GNL3L: variants seen among roughly 807,000 people sequenced by gnomAD.
GNL3L encodes the protein G protein nucleolar 3 like.
In GNL3L, 4 loss-of-function variants were observed where a neutral mutation model predicts 42.9. The observed-to-expected ratio is 0.09, with a 90% CI of 0.05 to 0.21. The LOEUF is 0.21. GNL3L is among the 10% of genes least tolerant of loss of function. The pLI is 1.00. For synonymous variants in GNL3L, 159 were observed against 176.3 expected, an observed-to-expected ratio of 0.90 and a Z score of 0.78; for missense variants, 412 against 481.7, an observed-to-expected ratio of 0.86 and a Z score of 1.36.
rs867774012 is a variant in GNL3L at position 54,607,054 on chromosome X, T to C, written c.*46-13791T>C. Among the ~76,000 whole-genome samples the C allele has an allele frequency of 4.6e-4, 31 of 66,671 alleles. 1 individual carries two copies. The highest frequency in any genetic ancestry group is 2.6e-3 in the African/African-American group (29 of 11,276). The allele number at this position is 66,671 out of a possible 115,157, so 57.9% of individuals were successfully genotyped here. On this transcript the variant is annotated intron_variant, in intron 16 of 16. Coordinates refer to the GNL3L transcript ENST00000674498. Reference sequence around the variant, plus strand: ...TTTCTTTCTTTCTTTCTTTCTTTCTTTCTTTCTTTCTTTCTTTCTCTTTCT... The same window carrying C: ...TTTCTTTCTTTCTTTCTTTCTTTCTCTCTTTCTTTCTTTCTTTCTCTTTCT...
chrX:54,557,023 A>T (rs1418830639), intron 14 of GNL3L, among the ~76,000 whole-genome samples: 1 of 110,089 alleles, frequency 9.1e-6, no homozygotes, highest in Non-Finnish European at 1.9e-5. Context: ...TCTACTAAAA[A>T]TAAAAAAAAT....
chrX:54,620,324 C>T (rs932956799), intron 16 of GNL3L, among the ~76,000 whole-genome samples: 1 of 111,286 alleles, frequency 9.0e-6, no homozygotes, highest in African/African-American at 3.3e-5. Flanking sequence ...CATCCTTATA[C>T]TCTCTATCCC....
intron 1 of GNL3L, among the ~76,000 whole-genome samples, chrX:54,532,293 C>A (rs1488949932): frequency 9.1e-6 from 1 of 109,908 alleles, no homozygotes; most frequent in Non-Finnish European, 1.9e-5. Context: ...ACTGACTCCA[C>A]CCCGGATGAG....
At chrX:54,596,519 T>A (rs769483563) in intron 16 of GNL3L, among the ~76,000 whole-genome samples, 4 of 111,913 alleles carry the variant, frequency 3.6e-5, no homozygotes, top group Non-Finnish European at 7.5e-5. Context: ...TTGAGAGTCC[T>A]GGGTCTCGCC....
intron 16 of GNL3L, among the ~76,000 whole-genome samples, chrX:54,590,730 T>C (rs888323350): frequency 3.6e-5 from 4 of 111,991 alleles, no homozygotes; most frequent in Non-Finnish European, 7.5e-5. Context: ...TGTTTTATTG[T>C]AGTAGTTTCA....
chrX:54,596,511 G>C (rs1925932841), intron 16 of GNL3L, among the ~76,000 whole-genome samples: 1 of 111,815 alleles, frequency 8.9e-6, no homozygotes, highest in Non-Finnish European at 1.9e-5. Context: ...TGTCAGACTT[G>C]AGAGTCCTGG....
At chrX:54,578,517 C>A (rs1371869632) in intron 16 of GNL3L, among the ~76,000 whole-genome samples, 2 of 112,148 alleles carry the variant, frequency 1.8e-5, no homozygotes, top group African/African-American at 3.2e-5. Context: ...TTAACTAACT[C>A]TAATAGTTTT....
chrX:54,635,888 C>G, the GNL3L span, among the ~76,000 whole-genome samples: 2 of 111,159 alleles, frequency 1.8e-5, no homozygotes, highest in South Asian at 3.8e-4. Flanking sequence ...AGAGTTTTCA[C>G]ATGTTGTTTT....
At chrX:54,571,498 CTTT>C (rs1161595672), downstream of GNL3L, among the ~76,000 whole-genome samples, 1 of 86,516 alleles carries the variant, frequency 1.2e-5, no homozygotes, top group Non-Finnish European at 2.3e-5. Flanking sequence ...TGCGCCCGGC[CTTT>C]TTTTTTTTTT....
chrX:54,576,982 CCATCAGTG>C (rs368588773), intron 16 of GNL3L, among the ~76,000 whole-genome samples: 34 of 111,363 alleles, frequency 3.1e-4, no homozygotes, highest in African/African-American at 1.0e-3. Context: ...TTGTTGTGAA[CCATCAGTG>C]CATCTATCTC....
At chrX:54,611,453 G>T (rs1289622500) in intron 16 of GNL3L, among the ~76,000 whole-genome samples, 2 of 111,363 alleles carry the variant, frequency 1.8e-5, no homozygotes, top group Non-Finnish European at 3.8e-5. Context: ...ATGTCAGTTT[G>T]TGCTCTATCA....
chrX:54,609,111 T>C (rs180830560), intron 16 of GNL3L, among the ~76,000 whole-genome samples: 1 of 112,411 alleles, frequency 8.9e-6, no homozygotes, highest in Admixed American at 9.4e-5. Context: ...ATTAGTGATG[T>C]TGAGCATTTT....
At chrX:54,559,131 CT>C (rs1237755773) in intron 15 of GNL3L, among the ~76,000 whole-genome samples, 3 of 111,712 alleles carry the variant, frequency 2.7e-5, no homozygotes, top group Non-Finnish European at 3.8e-5. Context: ...TTCTGTGCCC[CT>C]CCCTCATAGT....
At chrX:54,638,469 AAATT>A in the GNL3L span, among the ~76,000 whole-genome samples, 9 of 111,758 alleles carry the variant, frequency 8.1e-5, no homozygotes, top group East Asian at 2.2e-3. Flanking sequence ...ATAGCTCATT[AAATT>A]AATTAATTAA....
intron 5 of GNL3L, among the ~76,000 whole-genome samples, chrX:54,542,534 T>C (rs1266718810): frequency 1.8e-5 from 2 of 111,343 alleles, no homozygotes; most frequent in Admixed American, 9.6e-5. Context: ...TCTTTGCTAT[T>C]GTGAATAGTG....
At chrX:54,535,589 C>G (rs1170113936) in intron 2 of GNL3L, among the ~76,000 whole-genome samples, 1 of 110,896 alleles carries the variant, frequency 9.0e-6, no homozygotes, top group Non-Finnish European at 1.9e-5. Flanking sequence ...ATCACTTTAC[C>G]AAAGTTAAAT....
intron 16 of GNL3L, among the ~76,000 whole-genome samples, chrX:54,609,821 T>C (rs1459218931): frequency 8.9e-6 from 1 of 112,247 alleles, no homozygotes; most frequent in East Asian, 2.8e-4. Context: ...AGTCTTGCTT[T>C]GGCTATGTGG....
chrX:54,530,732 C>T (rs1181467503), intron 1 of GNL3L, among the ~76,000 whole-genome samples: 1 of 112,282 alleles, frequency 8.9e-6, no homozygotes, highest in East Asian at 2.8e-4. Context: ...CATCTCCCTC[C>T]ACCCAGCTGA....
At chrX:54,568,317 T>TA (rs746816963), downstream of GNL3L, among the ~76,000 whole-genome samples, 1 of 111,508 alleles carries the variant, frequency 9.0e-6, no homozygotes, top group Non-Finnish European at 1.9e-5. Context: ...ATTGCTGCTG[T>TA]AAAAAATTAG....
Sources: allele counts gnomAD v4.1 joint callset (sites outside exome capture counted in the v4.1 genomes callset), GRCh38; gene constraint gnomAD v4.1.1; transcripts MANE v1.5; gene names NCBI Gene and HGNC (gene_info 2026-07-23, HGNC 2026-07-21).